Variants in TTC28 observed in about 807,000 individuals in gnomAD.
TTC28 encodes tetratricopeptide repeat domain 28.
In TTC28, 61 loss-of-function variants were observed where a neutral mutation model predicts 198.0. The observed-to-expected ratio is 0.31, with a 90% CI of 0.25 to 0.38. The LOEUF is 0.38. Ranked by LOEUF, TTC28 falls within the 10% of genes least tolerant of loss-of-function variation. The pLI is 1.00. For missense variants in TTC28, 2,678 were observed against 3,164.0 expected (o/e 0.85, Z 3.69); for synonymous variants, 1,171 against 1,297.8 (o/e 0.90, Z 2.10).
intron 6 of TTC28, among the ~76,000 whole-genome samples, chr22:28,118,641 A>G (rs538138154): frequency 6.6e-6 from 1 of 152,312 alleles, no homozygotes; most frequent in Non-Finnish European, 1.5e-5. Context: ...GTAGTAGGCT[A>G]TCCTATCCAG....
intron 2 of TTC28, among the ~76,000 whole-genome samples, chr22:28,386,835 G>C (rs962990488): frequency 6.6e-6 from 1 of 150,548 alleles, no homozygotes; most frequent in Admixed American, 6.6e-5. Flanking sequence ...TTTTTGTTTT[G>C]TTTTGTTTTA....
intron 5 of TTC28, among the ~76,000 whole-genome samples, chr22:28,166,497 T>A (rs1163311189): frequency 6.6e-6 from 1 of 152,142 alleles, no homozygotes; most frequent in East Asian, 1.9e-4. Context: ...GCAATCAAAC[T>A]AGAACTCAGG....
intron 2 of TTC28, among the ~76,000 whole-genome samples, chr22:28,314,922 T>TGG (rs1360121804): frequency 6.6e-6 from 1 of 152,174 alleles, no homozygotes; most frequent in Non-Finnish European, 1.5e-5. Flanking sequence ...GGCTGTGTAC[T>TGG]GGGGACTATC....
intron 5 of TTC28, among the ~76,000 whole-genome samples, chr22:28,259,853 T>C (rs1174144025): frequency 6.6e-6 from 1 of 152,190 alleles, no homozygotes; most frequent in Admixed American, 6.6e-5. Context: ...CATGGTCACA[T>C]GATTTCTCTC....
In TTC28 at chr22:28,108,130, C is replaced by T. The variant is rs540606783; in HGVS notation, c.1715G>A (p.Arg572Gln). 8 of 1,551,634 alleles carry T rather than the reference C, an allele frequency of 5.2e-6. No homozygotes were observed. The highest frequency in any genetic ancestry group is 4.9e-5 in the East Asian group (2 of 40,902). The change falls in exon 7 of 23, where the codon CGG becomes CAG. Residue 572 changes from arginine (R) to glutamine (Q), a missense_variant. This residue lies in a region of TTC28 where 775 missense variants were observed against 845.9 expected (regional missense o/e 0.92). Coordinates refer to ENST00000397906, the MANE Select transcript of TTC28 (RefSeq NM_001145418.2). ...VAYQALGAHDRALQHYQNHLN... is the reference protein window; with the variant it reads ...VAYQALGAHDQALQHYQNHLN... ...GTGGTTCTGATAGTGTTGCAGGGCCCGGTCATGGGCACCCAGGGCCTGGTA... is the reference window on the plus strand; with the variant it reads ...GTGGTTCTGATAGTGTTGCAGGGCCTGGTCATGGGCACCCAGGGCCTGGTA...
chr22:28,288,317 T>C (rs2044723721), intron 5 of TTC28, among the ~76,000 whole-genome samples: 1 of 152,206 alleles, frequency 6.6e-6, no homozygotes, highest in Non-Finnish European at 1.5e-5. Flanking sequence ...ACTCTTTACA[T>C]TGCTGATGAT....
At position 28,568,531 on chromosome 22, in the gene TTC28, A is replaced by G. The variant is rs544168078; in HGVS notation, c.381+61021T>C. ...AGCAAAGTTTCAGGATACAAAATCA[A>G]TGTTCAAAAATCAGCAGCATTTCTA... On this transcript the variant is annotated intron_variant, in intron 2 of 22. Transcript: ENST00000397906. Among the ~76,000 whole-genome samples, 60 of 152,326 alleles carry G rather than the reference A, an allele frequency of 3.9e-4. 1 individual carries two copies. The South Asian group carries it at 0.01, about 26-fold the overall frequency.
At chr22:28,257,259 C>T (rs1930993450) in intron 5 of TTC28, among the ~76,000 whole-genome samples, 1 of 151,842 alleles carries the variant, frequency 6.6e-6, no homozygotes. Context: ...GGTATATATC[C>T]AAAAGAAAGG....
intron 2 of TTC28, among the ~76,000 whole-genome samples, chr22:28,561,434 A>G (rs1322498125): frequency 6.6e-6 from 1 of 152,188 alleles, no homozygotes; most frequent in Non-Finnish European, 1.5e-5. Flanking sequence ...ACTTAAGGTT[A>G]CTGAAAATAT....
rs188795993 is a variant in TTC28 at position 28,388,328 on chromosome 22, G to T, written c.382-81685C>A. On this transcript the variant is annotated intron_variant, in intron 2 of 22. Coordinates refer to ENST00000397906, the MANE Select transcript of TTC28 (RefSeq NM_001145418.2). ...GCTTAGGAATGACTTGGCAATGCGG[G>T]CTCTTTTTTAGTTCCATATGAACTT... Among the ~76,000 whole-genome samples the T allele has an allele frequency of 3.9e-3, 588 of 152,256 alleles. 2 individuals carry two copies. Among genetic ancestry groups the T allele is most frequent in the African/African-American group, 0.014 (565 of 41,540 alleles).
At chr22:28,159,402 T>A (rs922958186) in intron 6 of TTC28, among the ~76,000 whole-genome samples, 1 of 152,050 alleles carries the variant, frequency 6.6e-6, no homozygotes, top group Non-Finnish European at 1.5e-5. Context: ...ATGCCTGTAA[T>A]CCCAGCACTC....
chr22:28,624,701 T>A (rs753178512), intron 2 of TTC28, among the ~76,000 whole-genome samples: 2 of 151,926 alleles, frequency 1.3e-5, no homozygotes, highest in Non-Finnish European at 2.9e-5. Flanking sequence ...ACAAACTCTT[T>A]CAGAAAATAC....
At chr22:28,521,478 G>C (rs2048908063) in intron 2 of TTC28, among the ~76,000 whole-genome samples, 1 of 152,096 alleles carries the variant, frequency 6.6e-6, no homozygotes, top group Non-Finnish European at 1.5e-5. Context: ...GATTAGAAAA[G>C]CCAAGATTGC....
chr22:28,527,768 T>C (rs2049035872), intron 2 of TTC28, among the ~76,000 whole-genome samples: 1 of 152,148 alleles, frequency 6.6e-6, no homozygotes, highest in Non-Finnish European at 1.5e-5. Flanking sequence ...CTTGAGTAGC[T>C]GGGACTACAG....
chr22:28,131,593 T>C (rs754005769), intron 6 of TTC28, among the ~76,000 whole-genome samples: 4 of 152,352 alleles, frequency 2.6e-5, no homozygotes, highest in Non-Finnish European at 5.9e-5. Context: ...TGGTTTTTAC[T>C]GAATGTATCA....
intron 2 of TTC28, among the ~76,000 whole-genome samples, chr22:28,562,348 A>G (rs1368136899): frequency 6.6e-6 from 1 of 152,240 alleles, no homozygotes; most frequent in Non-Finnish European, 1.5e-5. Context: ...GTGTTTGAGC[A>G]AAACAAAAGT....
intron 2 of TTC28, among the ~76,000 whole-genome samples, chr22:28,484,003 T>C (rs1158939899): frequency 2.6e-5 from 4 of 152,210 alleles, no homozygotes; most frequent in African/African-American, 9.7e-5. Flanking sequence ...TTCGACTCCG[T>C]AAAGATTGAT....
At position 28,486,390 on chromosome 22, in the gene TTC28, T is replaced by C. The variant is rs958132189; in HGVS notation, c.381+143162A>G. Among the ~76,000 whole-genome samples, 5 of 151,966 alleles carry C rather than the reference T, an allele frequency of 3.3e-5. No individual in the cohort carries two copies. In the South Asian group the frequency reaches 8.3e-4, roughly 25 times the overall value. The stretch of plus-strand genomic sequence containing the variant: ...GAGACTAGCTGCACACTGAGATGAA[T>C]TGTCTCATTTGCCAAGTGTCCCAAG... On this transcript the variant is annotated intron_variant, in intron 2 of 22. Transcript: ENST00000397906.
At chr22:28,239,269 T>A (rs1177980592) in intron 5 of TTC28, among the ~76,000 whole-genome samples, 1 of 152,124 alleles carries the variant, frequency 6.6e-6, no homozygotes, top group Non-Finnish European at 1.5e-5. Context: ...ATCTTCTTTG[T>A]CCAATATGGT....
Sources: allele counts gnomAD v4.1 joint callset (sites outside exome capture counted in the v4.1 genomes callset), GRCh38; gene constraint gnomAD v4.1.1; regional missense constraint gnomAD v4.1.1; transcripts MANE v1.5; gene names NCBI Gene and HGNC (gene_info 2026-07-23, HGNC 2026-07-21).